Variants in NRXN1 observed in about 807,000 individuals in gnomAD.
NRXN1 encodes the protein neurexin 1.
NRXN1 carries 39 observed loss-of-function variants against 150.9 expected under a neutral mutation model. The observed-to-expected ratio is 0.26, with a 90% CI of 0.20 to 0.34. The LOEUF is 0.34. NRXN1 is among the 10% of genes least tolerant of loss of function. NRXN1 has a pLI of 1.00. For missense variants in NRXN1, 1,815 were observed against 1,949.9 expected, an observed-to-expected ratio of 0.93 and a Z score of 1.30; for synonymous variants, 924 against 757.0, an observed-to-expected ratio of 1.22 and a Z score of -3.62.
At chr2:50,101,530 C>T (rs1305604531) in intron 18 of NRXN1, among the ~76,000 whole-genome samples, 3 of 151,944 alleles carry the variant, frequency 2.0e-5, no homozygotes, top group Non-Finnish European at 4.4e-5. Context: ...ATTTTTCAGA[C>T]AAATAGACAG....
chr2:49,949,482 C>T (rs1398694978), intron 21 of NRXN1, among the ~76,000 whole-genome samples: 6 of 152,008 alleles, frequency 3.9e-5, no homozygotes, highest in South Asian at 4.1e-4. Context: ...TGATAAACAG[C>T]TTTCCTGAAG....
At chr2:50,768,608 T>C (rs1374504322) in intron 5 of NRXN1, among the ~76,000 whole-genome samples, 1 of 151,952 alleles carries the variant, frequency 6.6e-6, no homozygotes, top group Non-Finnish European at 1.5e-5. Flanking sequence ...TCTATTTCTT[T>C]TCTTACAAAA....
chr2:50,592,049 C>T (rs1332086653), intron 8 of NRXN1, among the ~76,000 whole-genome samples: 1 of 152,194 alleles, frequency 6.6e-6, no homozygotes, highest in Non-Finnish European at 1.5e-5. Flanking sequence ...ATAAGAATAA[C>T]CTCTACAGCT....
chr2:50,019,111 T>G (rs7586095), intron 21 of NRXN1: 59,174 of 424,884 alleles, frequency 0.14, 5,316 homozygotes, highest in African/African-American at 0.31. Flanking sequence ...CATTACCTCA[T>G]CTGTGCTTTC....
intron 17 of NRXN1, among the ~76,000 whole-genome samples, chr2:50,356,295 C>A (rs1001464907): frequency 6.6e-6 from 1 of 152,116 alleles, no homozygotes; most frequent in Non-Finnish European, 1.5e-5. Flanking sequence ...GGAAAAACTT[C>A]TAGTAGCTCA....
chr2:49,947,592 C>G (rs1488287671), intron 21 of NRXN1, among the ~76,000 whole-genome samples: 1 of 146,268 alleles, frequency 6.8e-6, no homozygotes, highest in Admixed American at 7.0e-5. Flanking sequence ...GAACTCTTGG[C>G]CTCAAGCAAT....
In NRXN1 at chr2:49,921,399, C is replaced by T. The variant is rs1278694397; in HGVS notation, c.*545G>A. ...GTTCCTACACAAGTCTTCAAAAAAG[C>T]CAGCACTTTGTTTCAAATGCAAGTT... On this transcript the variant is annotated 3_prime_UTR_variant, in exon 23 of 23. Transcript: ENST00000401669. The T allele has an allele frequency of 1.3e-5, 2 of 152,698 alleles. No homozygotes were observed. The highest frequency in any genetic ancestry group is 6.5e-5 in the Admixed American group (1 of 15,272). 9.5% of individuals were successfully genotyped at this position (152,698 alleles called of 1,614,324 possible).
At chr2:50,294,168 T>G (rs2073280829) in intron 17 of NRXN1, among the ~76,000 whole-genome samples, 1 of 152,172 alleles carries the variant, frequency 6.6e-6, no homozygotes, top group African/African-American at 2.4e-5. Context: ...CTACTGGATG[T>G]GTCAATTTAT....
intron 5 of NRXN1, among the ~76,000 whole-genome samples, chr2:50,855,643 A>C (rs1167458689): frequency 6.6e-6 from 1 of 152,072 alleles, no homozygotes. Flanking sequence ...TGGCCGAAAG[A>C]AAGTAATTAG....
intron 5 of NRXN1, among the ~76,000 whole-genome samples, chr2:50,679,561 G>T (rs893600003): frequency 2.0e-5 from 3 of 152,078 alleles, no homozygotes; most frequent in Non-Finnish European, 4.4e-5. Context: ...AATGAGAGAT[G>T]ATCTGTGATT....
At chr2:50,601,579 G>A (rs947106308) in intron 8 of NRXN1, among the ~76,000 whole-genome samples, 6 of 152,176 alleles carry the variant, frequency 3.9e-5, no homozygotes, top group Non-Finnish European at 5.9e-5. Context: ...CTTGGCAAGC[G>A]ATGGATGGGA....
chr2:50,215,711 CATG>C (rs1285263947), intron 18 of NRXN1, among the ~76,000 whole-genome samples: 5 of 151,850 alleles, frequency 3.3e-5, no homozygotes, highest in African/African-American at 7.3e-5. Flanking sequence ...AATAAGACAT[CATG>C]ATATTAATAA....
intron 15 of NRXN1, among the ~76,000 whole-genome samples, chr2:50,473,855 G>C (rs975603154): frequency 7.9e-5 from 12 of 151,944 alleles, no homozygotes; most frequent in African/African-American, 2.4e-4. Flanking sequence ...TTTGTATGTA[G>C]GGTAAAATCA....
At chr2:50,674,935 A>C (rs1689341769) in intron 5 of NRXN1, among the ~76,000 whole-genome samples, 1 of 151,884 alleles carries the variant, frequency 6.6e-6, no homozygotes, top group South Asian at 2.1e-4. Flanking sequence ...TGACCCCTCA[A>C]TGTAGGAGAT....
chr2:50,157,530 A>C (rs920631128), intron 18 of NRXN1, among the ~76,000 whole-genome samples: 2 of 152,048 alleles, frequency 1.3e-5, no homozygotes, highest in Non-Finnish European at 2.9e-5. Context: ...CACATAATAT[A>C]GGACTTACAC....
rs755426199 is a variant in NRXN1 at position 49,922,301 on chromosome 2, G to C, written c.4217-50C>G. Reference sequence around the variant, plus strand: ...ACACAAAGTGATCATTGAGTTCACTGAATACCAGAGAGCTATATTAACATT... The same window carrying C: ...ACACAAAGTGATCATTGAGTTCACTCAATACCAGAGAGCTATATTAACATT... On this transcript the variant is annotated intron_variant, in intron 22 of 22. Transcript: ENST00000401669. The C allele has an allele frequency of 2.0e-6, 3 of 1,490,866 alleles. No individual in the cohort carries two copies. In the East Asian group the frequency reaches 7.0e-5, roughly 35 times the overall value. 92.4% of individuals were successfully genotyped at this position (1,490,866 alleles called of 1,614,324 possible).
intron 17 of NRXN1, among the ~76,000 whole-genome samples, chr2:50,353,313 C>T (rs981911981): frequency 3.3e-5 from 5 of 152,106 alleles, no homozygotes; most frequent in South Asian, 2.1e-4. Flanking sequence ...CACAGGAGCA[C>T]CAACCAATAA....
intron 17 of NRXN1, among the ~76,000 whole-genome samples, chr2:50,455,079 A>C (rs1371260941): frequency 6.6e-6 from 1 of 152,190 alleles, no homozygotes; most frequent in East Asian, 1.9e-4. Flanking sequence ...TACTTCTCTG[A>C]ATCAAAGAGT....
chr2:50,430,043 C>A (rs574809319), intron 17 of NRXN1, among the ~76,000 whole-genome samples: 1 of 152,180 alleles, frequency 6.6e-6, no homozygotes, highest in African/African-American at 2.4e-5. Flanking sequence ...CCTGACTCAG[C>A]CATTAAACTA....
Sources: gnomAD v4.1 joint callset for allele counts (sites outside exome capture counted in the v4.1 genomes callset) on GRCh38, gnomAD v4.1.1 for gene constraint, MANE v1.5 for transcripts, NCBI Gene and HGNC (gene_info 2026-07-23, HGNC 2026-07-21) for gene names.